BPIFC: variants seen among roughly 807,000 people sequenced by gnomAD.
The protein encoded by BPIFC is BPI fold containing family C.
BPIFC carries 60 observed loss-of-function variants against 57.6 expected under a neutral mutation model. The observed-to-expected ratio is 1.04, with a 90% CI of 0.85 to 1.29. BPIFC has a LOEUF of 1.29. Ranked by LOEUF, BPIFC falls within the 50% of genes most tolerant of loss-of-function variation. The pLI, the probability that BPIFC is intolerant of heterozygous loss-of-function variation, is 0.00. For missense variants in BPIFC, 581 were observed against 600.5 expected, an observed-to-expected ratio of 0.97 and a Z score of 0.34; for synonymous variants, 243 against 224.5, an observed-to-expected ratio of 1.08 and a Z score of -0.74.
rs764765350 is a variant in BPIFC at position 32,432,514 on chromosome 22, G to C, written c.1008C>G (p.Pro336=). ...RIAEIYILSQ[P]FMVRIMATEP... is the part of the protein sequence containing the mutation. Reference sequence around the variant, plus strand: ...CTGTGGCCATGATCCTCACCATGAAGGGCTGGGACAAGATGTAGATCTCTG... The same window carrying C: ...CTGTGGCCATGATCCTCACCATGAACGGCTGGGACAAGATGTAGATCTCTG... The change falls in exon 12 of 17, where the codon CCC becomes CCG. Residue 336 remains proline (P), a synonymous_variant. Coordinates refer to ENST00000300399, the MANE Select transcript of BPIFC (RefSeq NM_174932.3). 3.1e-6 allele frequency: 5 copies of C among 1,614,018 alleles called. No homozygotes were observed. Among genetic ancestry groups the C allele is most frequent in the Non-Finnish European group, 4.2e-6 (5 of 1,180,034 alleles).
At chr22:32,439,895 G>T (rs117945105) in intron 8 of BPIFC, among the ~76,000 whole-genome samples, 2 of 152,146 alleles carry the variant, frequency 1.3e-5, no homozygotes, top group South Asian at 4.1e-4. Context: ...GATTACAGGT[G>T]TGGGCCACTG....
intron 10 of BPIFC, among the ~76,000 whole-genome samples, chr22:32,434,881 G>A (rs1276258431): frequency 6.6e-6 from 1 of 152,172 alleles, no homozygotes; most frequent in Non-Finnish European, 1.5e-5. Context: ...CATTATAAAA[G>A]GGAGGTGCAT....
chr22:32,447,258 C>T lies in BPIFC; in HGVS notation c.328G>A (p.Gly110Ser), dbSNP rs919281598. ...CAGTCTGTGCTGATGTTGGCAGTGCCATGGTTGGTTAGCGCTTTGATTCCC... is the reference window on the plus strand; with the variant it reads ...CAGTCTGTGCTGATGTTGGCAGTGCTATGGTTGGTTAGCGCTTTGATTCCC... ...GVGIKALTNH[G>S]TANISTDWGF... is the part of the protein sequence containing the mutation. Residue 110 changes from glycine to serine, a missense_variant, in exon 5 of 17, where the codon GGC (glycine) becomes AGC (serine). Coordinates refer to ENST00000300399, the MANE Select transcript of BPIFC (RefSeq NM_174932.3). 2.5e-6 allele frequency: 4 copies of T among 1,613,976 alleles called. No homozygotes were observed. Among genetic ancestry groups the T allele is most frequent in the Non-Finnish European group, 3.4e-6 (4 of 1,180,006 alleles).
chr22:32,427,136 T>C (rs960988513), intron 13 of BPIFC, among the ~76,000 whole-genome samples: 2 of 152,174 alleles, frequency 1.3e-5, no homozygotes, highest in Non-Finnish European at 2.9e-5. Context: ...CTGTGGACTG[T>C]AGGAAGCCAA....
rs1934697010 is a variant in BPIFC at position 32,445,562 on chromosome 22, A to G, written c.594+73T>C. 3 of 1,406,212 alleles carry G rather than the reference A, an allele frequency of 2.1e-6. No homozygotes were observed. In the East Asian group the frequency reaches 6.8e-5, roughly 32 times the overall value. The allele number at this position is 1,406,212 out of a possible 1,614,324, so 87.1% of individuals were successfully genotyped here. A position where few individuals can be genotyped will look rare whatever the true frequency, so the allele number is the denominator to read the frequency against. ...AAAAAAACAAACAAACAAACAAAAA[A>G]GAATTAATTAAAGGATGATAGAACT... On this transcript the variant is annotated intron_variant, in intron 7 of 16. Coordinates refer to ENST00000300399, the MANE Select transcript of BPIFC (RefSeq NM_174932.3).
chr22:32,437,808 T>C lies in BPIFC; in HGVS notation c.699A>G (p.Leu233=), dbSNP rs761356119. ...IDNYTLLDYS[L]ISSPEITENY... is the part of the protein sequence containing the mutation. Reference sequence around the variant, plus strand: ...TCTCAGTAATTTCTGGAGAACTGATTAGGGAGTAATCCAGCAGAGTGTAGT... The same window carrying C: ...TCTCAGTAATTTCTGGAGAACTGATCAGGGAGTAATCCAGCAGAGTGTAGT... Residue 233 remains leucine, a synonymous_variant, in exon 9 of 17, where the codon CTA becomes CTG. Coordinates refer to ENST00000300399, the MANE Select transcript of BPIFC (RefSeq NM_174932.3). The C allele has an allele frequency of 3.1e-6, 5 of 1,612,654 alleles. No homozygotes were observed. The highest frequency in any genetic ancestry group is 4.2e-6 in the Non-Finnish European group (5 of 1,178,726).
intron 4 of BPIFC, among the ~76,000 whole-genome samples, chr22:32,450,204 T>A (rs952289876): frequency 6.6e-6 from 1 of 152,176 alleles, no homozygotes; most frequent in Non-Finnish European, 1.5e-5. Context: ...CTGTCCCTTT[T>A]CTATGACTAG....
At chr22:32,424,642 C>CTCTTCTTCTTCTTCT (rs796330210) in intron 13 of BPIFC, among the ~76,000 whole-genome samples, 1,502 of 28,856 alleles carry the variant, frequency 0.052, 292 homozygotes, top group Middle Eastern at 0.11. Context: ...TCTTCTTCTT[C>CTCTTCTTCTTCTTCT]TCTTCTTCTT....
chr22:32,431,051 T>C (rs1418489212), intron 13 of BPIFC, among the ~76,000 whole-genome samples: 4 of 152,034 alleles, frequency 2.6e-5, no homozygotes, highest in Non-Finnish European at 4.4e-5. Context: ...GTACATACTT[T>C]AAAGTTATCT....
chr22:32,449,344 A>G (rs1466577726), intron 4 of BPIFC, among the ~76,000 whole-genome samples: 1 of 152,250 alleles, frequency 6.6e-6, no homozygotes, highest in Admixed American at 6.5e-5. Flanking sequence ...GTGTATAATT[A>G]CTGCACCCAA....
At chr22:32,419,505 T>TAA (rs1007558111) in intron 13 of BPIFC, 101 bp from the exon 14 acceptor site, 3 of 1,172,416 alleles carry the variant, frequency 2.6e-6, no homozygotes, top group Non-Finnish European at 3.7e-6. Flanking sequence ...AGTCACTATT[T>TAA]AAAAAAAAAC....
intron 4 of BPIFC, among the ~76,000 whole-genome samples, chr22:32,451,090 A>G (rs1934883037): frequency 1.3e-5 from 2 of 152,152 alleles, no homozygotes; most frequent in Admixed American, 6.5e-5. Flanking sequence ...GCTAGTGGCT[A>G]CTGTTTAGAC....
At chr22:32,431,496 T>C (rs1329370466) in intron 12 of BPIFC, 82 bp from the exon 13 acceptor site, 3 of 960,172 alleles carry the variant, frequency 3.1e-6, no homozygotes, top group East Asian at 5.0e-5. Flanking sequence ...AGTTGAAACA[T>C]TATAAGCCCA....
chr22:32,436,505 A>G (rs1438892716), intron 9 of BPIFC, among the ~76,000 whole-genome samples: 1 of 152,114 alleles, frequency 6.6e-6, no homozygotes, highest in Non-Finnish European at 1.5e-5. Flanking sequence ...AATCCTAGAA[A>G]CTCAGTAATG....
chr22:32,416,283 A>C (rs888937162), intron 15 of BPIFC, among the ~76,000 whole-genome samples: 1 of 152,038 alleles, frequency 6.6e-6, no homozygotes, highest in East Asian at 1.9e-4. Flanking sequence ...GGGTTTCACC[A>C]TGTTGGCCAG....
intron 13 of BPIFC, among the ~76,000 whole-genome samples, chr22:32,420,276 C>T (rs1270014989): frequency 6.6e-6 from 1 of 151,066 alleles, no homozygotes; most frequent in African/African-American, 2.4e-5. Flanking sequence ...AGAGATCGCG[C>T]CACTGCACTC....
intron 3 of BPIFC, among the ~76,000 whole-genome samples, chr22:32,455,271 G>A (rs1232004255): frequency 6.6e-6 from 1 of 151,736 alleles, no homozygotes; most frequent in Admixed American, 6.6e-5. Context: ...GGATGGTCTC[G>A]ATCTCTTGAC....
At position 32,414,092 on chromosome 22, in the gene BPIFC, A is replaced by C. The variant is rs1409782543; in HGVS notation, c.*211T>G. The C allele has an allele frequency of 1.2e-5, 5 of 426,988 alleles. No individual in the cohort carries two copies. Among genetic ancestry groups the C allele is most frequent in the Non-Finnish European group, 2.1e-5 (5 of 243,872 alleles). The allele number at this position is 426,988 out of a possible 1,614,324, so 26.4% of individuals were successfully genotyped here. ...AAACATAAACACAGACACACGCAGC[A>C]TGCATACACTCACATTCAGACACCT... On this transcript the variant is annotated 3_prime_UTR_variant, in exon 17 of 17. Coordinates refer to ENST00000300399, the MANE Select transcript of BPIFC (RefSeq NM_174932.3).
intron 11 of BPIFC, 53 bp downstream of exon 11, chr22:32,433,666 G>C: frequency 6.6e-7 from 1 of 1,511,300 alleles, no homozygotes; most frequent in Non-Finnish European, 9.2e-7. Flanking sequence ...TCTTCCAGAA[G>C]TAATTGCAAT....
Sources: gnomAD v4.1 joint callset for allele counts (sites outside exome capture counted in the v4.1 genomes callset) on GRCh38, gnomAD v4.1.1 for gene constraint, MANE v1.5 for transcripts, NCBI Gene and HGNC (gene_info 2026-07-23, HGNC 2026-07-21) for gene names.